Variants in FRY observed in about 807,000 individuals in gnomAD.
FRY encodes the protein FRY microtubule binding protein.
FRY carries 128 observed loss-of-function variants against 348.4 expected under a neutral mutation model. The observed-to-expected ratio is 0.37, with a 90% CI of 0.32 to 0.43. The LOEUF (loss-of-function observed/expected upper bound fraction) is 0.43, where lower values mean the gene tolerates loss of function less well. Among genes scored for constraint, FRY ranks in the 20% least tolerant of loss-of-function variants. The pLI, the probability that FRY is intolerant of heterozygous loss-of-function variation, is 1.00. For synonymous variants in FRY, 1,370 were observed against 1,374.7 expected (o/e 1.00, Z 0.08); for missense variants, 2,736 against 3,695.2 (o/e 0.74, Z 6.73).
In FRY at chr13:32,237,592, T is replaced by C; in HGVS notation, c.6024T>C (p.Ala2008=). 1.9e-6 allele frequency: 3 copies of C among 1,614,088 alleles called. No individual in the cohort carries two copies. Among genetic ancestry groups the C allele is most frequent in the Non-Finnish European group, 2.5e-6 (3 of 1,179,998 alleles). ...PRSATLDRIQ[A]CTQQGLSSKT... is the part of the protein sequence containing the mutation. Reference sequence around the variant, plus strand: ...GTGCCACACTGGACAGAATTCAGGCTTGTACCCAACAAGGCCTCTCCTCAA... The same window carrying C: ...GTGCCACACTGGACAGAATTCAGGCCTGTACCCAACAAGGCCTCTCCTCAA... Residue 2008 remains alanine, a synonymous_variant, in exon 44 of 61, where the codon GCT becomes GCC. Transcript: ENST00000542859. This position sits in a 1 kb window ranked among gnomAD's most constrained non-coding sequence, Gnocchi z 6.3.
At chr13:32,148,020 C>T in intron 13 of FRY, 73 bp downstream of exon 13, 1 of 866,416 alleles carries the variant, frequency 1.2e-6, no homozygotes, top group East Asian at 2.4e-5. Context: ...TTATGAAGTA[C>T]TAAAAGACGG....
intron 55 of FRY, among the ~76,000 whole-genome samples, chr13:32,271,783 C>T (rs1026176951): frequency 3.3e-5 from 5 of 152,192 alleles, no homozygotes; most frequent in Non-Finnish European, 4.4e-5. Context: ...TAGGATCTTT[C>T]GCCACTCCAG....
chr13:32,262,100 T>A (rs1209861527), intron 52 of FRY, among the ~76,000 whole-genome samples: 1 of 152,214 alleles, frequency 6.6e-6, no homozygotes, highest in Non-Finnish European at 1.5e-5. Context: ...TTTTTAAAAA[T>A]TCCCCAGATC....
intron 55 of FRY, among the ~76,000 whole-genome samples, chr13:32,268,498 AAAAAAAAATATATATATAT>A (rs1888035268): frequency 5.1e-5 from 1 of 19,678 alleles, no homozygotes; most frequent in Non-Finnish European, 1.4e-4. Flanking sequence ...AAAAAAAAAA[AAAAAAAAATATATATATAT>A]ATATATATAT....
At chr13:32,059,130 T>G (rs1441806340) in intron 1 of FRY, among the ~76,000 whole-genome samples, 1 of 152,154 alleles carries the variant, frequency 6.6e-6, no homozygotes, top group Non-Finnish European at 1.5e-5. Context: ...TTTTTTCTCT[T>G]CACTTCCCTT....
chr13:32,059,984 G>T (rs1873850183), intron 1 of FRY, among the ~76,000 whole-genome samples: 1 of 152,090 alleles, frequency 6.6e-6, no homozygotes, highest in African/African-American at 2.4e-5. Context: ...TGTTCATTTT[G>T]GTAAACTGGA....
chr13:32,280,081 C>G (rs1448184223), intron 58 of FRY, among the ~76,000 whole-genome samples: 1 of 152,118 alleles, frequency 6.6e-6, no homozygotes, highest in Non-Finnish European at 1.5e-5. Flanking sequence ...GTCATTTGCT[C>G]TCTCTGGATG....
chr13:32,187,286 A>C (rs1164062618), intron 27 of FRY, among the ~76,000 whole-genome samples: 1 of 152,190 alleles, frequency 6.6e-6, no homozygotes, highest in Non-Finnish European at 1.5e-5. Context: ...TCTGATCATA[A>C]AGAGTTGTTA....
rs1302625602 is a variant in FRY at position 32,274,827 on chromosome 13, T to C, written c.8137-15T>C. 6.2e-7 allele frequency: 1 copy of C among 1,604,176 alleles called. No individual in the cohort carries two copies. The highest frequency in any genetic ancestry group is 1.1e-5 in the South Asian group (1 of 90,920). The stretch of plus-strand genomic sequence containing the variant: ...TAACTTGACCTTTACAAATGGTCAC[T>C]ATTTTGCCTTGCAGAATATTCAGAA... On this transcript the variant is annotated splice_polypyrimidine_tract_variant and intron_variant, in intron 55 of 60. Transcript: ENST00000542859.
intron 2 of FRY, among the ~76,000 whole-genome samples, chr13:32,101,759 G>C (rs1443135035): frequency 2.0e-5 from 3 of 152,274 alleles, no homozygotes; most frequent in Admixed American, 2.0e-4. Context: ...AAGATGAATA[G>C]CAAGAGTCGT....
chr13:32,281,998 A>C (rs1440426810), intron 58 of FRY, among the ~76,000 whole-genome samples: 2 of 152,320 alleles, frequency 1.3e-5, no homozygotes, highest in East Asian at 1.9e-4. Flanking sequence ...ATCATAGGTT[A>C]ACACTCGACA....
intron 59 of FRY, among the ~76,000 whole-genome samples, chr13:32,290,178 C>T (rs1162659778): frequency 2.0e-5 from 3 of 152,102 alleles, no homozygotes; most frequent in Admixed American, 2.0e-4. Context: ...TTTCCCTGCC[C>T]TGCTTAGCAC....
chr13:32,137,963 C>A (rs1879826227), intron 11 of FRY, among the ~76,000 whole-genome samples: 2 of 152,104 alleles, frequency 1.3e-5, no homozygotes, highest in South Asian at 4.1e-4. Flanking sequence ...GCTCTAAAAG[C>A]TGATTGTGAA....
chr13:32,187,526 T>C lies in FRY; in HGVS notation c.3481-20T>C. ...CATTCCAAGTTTCATTTCCATGTCTTGTTGTGTTTTTATCATCAGGCAATG... is the reference window on the plus strand; with the variant it reads ...CATTCCAAGTTTCATTTCCATGTCTCGTTGTGTTTTTATCATCAGGCAATG... On this transcript the variant is annotated intron_variant, in intron 27 of 60. Coordinates refer to ENST00000542859, the MANE Select transcript of FRY (RefSeq NM_023037.3). 1 of 1,399,402 alleles carries C rather than the reference T, an allele frequency of 7.1e-7. No individual in the cohort carries two copies. Among genetic ancestry groups the C allele is most frequent in the Non-Finnish European group, 1.0e-6 (1 of 983,760 alleles). 86.7% of individuals were successfully genotyped at this position (1,399,402 alleles called of 1,614,324 possible). A position where few individuals can be genotyped will look rare whatever the true frequency, so the allele number is the denominator to read the frequency against.
intron 28 of FRY, among the ~76,000 whole-genome samples, chr13:32,189,890 A>G (rs1028500302): frequency 4.5e-4 from 68 of 152,164 alleles, no homozygotes; most frequent in Middle Eastern, 3.4e-3. Context: ...TAATACATAG[A>G]TACAAAACTT....
At chr13:32,204,284 C>G (rs1037034919) in intron 31 of FRY, among the ~76,000 whole-genome samples, 20 of 152,054 alleles carry the variant, frequency 1.3e-4, no homozygotes, top group African/African-American at 4.8e-4. Context: ...ATGGAATTAT[C>G]ACAACTACCA....
chr13:32,233,238 A>G (rs1376719357), intron 41 of FRY, among the ~76,000 whole-genome samples: 3 of 152,150 alleles, frequency 2.0e-5, no homozygotes, highest in East Asian at 1.9e-4. Flanking sequence ...AGCTGCAACT[A>G]AGAGCAATGA....
At chr13:32,052,249 A>G (rs1037694441) in intron 1 of FRY, among the ~76,000 whole-genome samples, 7 of 152,254 alleles carry the variant, frequency 4.6e-5, no homozygotes, top group African/African-American at 1.7e-4. Flanking sequence ...TTATTGAAAC[A>G]ATAAACCAGT....
At chr13:32,185,428 G>A (rs9567390) in intron 26 of FRY, among the ~76,000 whole-genome samples, 1 of 152,154 alleles carries the variant, frequency 6.6e-6, no homozygotes, top group Non-Finnish European at 1.5e-5. Flanking sequence ...GATTTCCATA[G>A]GAAGGAAGTA....
Sources: allele counts gnomAD v4.1 joint callset (sites outside exome capture counted in the v4.1 genomes callset), GRCh38; gene constraint gnomAD v4.1.1; non-coding constraint Gnocchi (gnomAD v3.1); transcripts MANE v1.5; gene names NCBI Gene and HGNC (gene_info 2026-07-23, HGNC 2026-07-21).